The following CROCC variants were observed in gnomAD, a reference collection of about 807,000 sequenced individuals.
The protein encoded by CROCC is rootletin.
CROCC carries 180 observed loss-of-function variants against 245.2 expected under a neutral mutation model. That is an observed-to-expected ratio of 0.73 (90% CI 0.65 to 0.83). CROCC has a LOEUF of 0.83. CROCC is among the 40% of genes least tolerant of loss of function. The pLI, the probability that CROCC is intolerant of heterozygous loss-of-function variation, is 0.00. For synonymous variants in CROCC, 1,205 were observed against 1,241.6 expected (o/e 0.97, Z 0.62); for missense variants, 2,688 against 2,779.4 (o/e 0.97, Z 0.74).
rs774471753 is a variant in CROCC, at chr1:16,924,478, G to A, written c.350G>A (p.Arg117Lys). 22 of 1,611,194 alleles carry A rather than the reference G, an allele frequency of 1.4e-5. No individual in the cohort carries two copies. In the Admixed American group the frequency reaches 2.0e-4, roughly 15 times the overall value. Residue 117 changes from arginine (R) to lysine (K), a missense_variant and splice_region_variant, in exon 3 of 37, where the codon AGG becomes AAG. Arg to Lys is a conservative substitution (Grantham distance 26, BLOSUM62 2). This residue lies in a region of CROCC where 972 missense variants were observed against 895.3 expected (regional missense o/e 1.09). Transcript: ENST00000375541. ...LAIKYNAVSE[R>K]LEQALRLEPG... The stretch of plus-strand genomic sequence containing the variant: ...ATTAAGTACAATGCGGTCAGCGAGA[G>A]GGTGGGTGCCGCCCAGGTGGTGGAC...
chr1:16,919,531 G>A (rs1481476708), upstream of CROCC, among the ~76,000 whole-genome samples: 1 of 152,292 alleles, frequency 6.6e-6, no homozygotes, highest in East Asian at 1.9e-4. Flanking sequence ...CAGTCACCAG[G>A]TTAAAGAAGG....
At chr1:16,952,972 G>A (rs890606578) in intron 20 of CROCC, 11 of 255,726 alleles carry the variant, frequency 4.3e-5, no homozygotes, top group African/African-American at 2.0e-4. Flanking sequence ...ACCATGTCCC[G>A]TTCCCCTCTG....
At position 16,930,257 on chromosome 1, in the gene CROCC, C is replaced by T. The variant is rs780558499; in HGVS notation, c.622-29C>T. On this transcript the variant is annotated intron_variant, in intron 5 of 36. Transcript: ENST00000375541. ...CAGGCCCTGCCCTCCACCTGCCCAA[C>T]CTGATGCTTTAACCTCTCTCCCACC... 1.1e-5 allele frequency: 18 copies of T among 1,592,500 alleles called. No individual in the cohort carries two copies. In the South Asian group the frequency reaches 2.0e-4, roughly 18 times the overall value.
intron 13 of CROCC, chr1:16,940,859 C>T (rs1238761904): frequency 2.5e-6 from 1 of 407,804 alleles, no homozygotes; most frequent in Admixed American, 2.9e-5. Context: ...CCCAACTGCC[C>T]CTAGTTGGGG....
chr1:16,969,112 C>T lies in CROCC; in HGVS notation c.5077-4C>T. On this transcript the variant is annotated splice_region_variant and splice_polypyrimidine_tract_variant and intron_variant, in intron 31 of 36. Transcript: ENST00000375541. ...CCCGATTGTTCTGGCTGTCCTCCTGCCAGGTGGCCGACAGCGAGGTGAAGG... is the reference window on the plus strand; with the variant it reads ...CCCGATTGTTCTGGCTGTCCTCCTGTCAGGTGGCCGACAGCGAGGTGAAGG... The T allele has an allele frequency of 6.3e-7, 1 of 1,593,522 alleles. No homozygotes were observed. The highest frequency in any genetic ancestry group is 8.5e-7 in the Non-Finnish European group (1 of 1,170,860).
At position 16,969,776 on chromosome 1, in the gene CROCC, G is replaced by T; in HGVS notation, c.5302-9G>T. On this transcript the variant is annotated splice_polypyrimidine_tract_variant and intron_variant, in intron 32 of 36. Transcript: ENST00000375541. ...GGCCAGCCAGGCACCATCAGCCCCTGTCCCCCAGGAACGGCTGGATGCCGC... is the reference window on the plus strand; with the variant it reads ...GGCCAGCCAGGCACCATCAGCCCCTTTCCCCCAGGAACGGCTGGATGCCGC... 6.2e-7 allele frequency: 1 copy of T among 1,611,214 alleles called. No individual in the cohort carries two copies.
chr1:16,956,055 A>T lies in CROCC; in HGVS notation c.3763A>T (p.Thr1255Ser). Reference sequence around the variant, plus strand: ...GCTGGCACTCCTAGAGGAGGCACGGACAGCTGTGGGCAAGGAGGCCGGGGA... The same window carrying T: ...GCTGGCACTCCTAGAGGAGGCACGGTCAGCTGTGGGCAAGGAGGCCGGGGA... ...QKLALLEEARTAVGKEAGELR... is the reference protein window; with the variant it reads ...QKLALLEEARSAVGKEAGELR... The change falls in exon 25 of 37, where the codon ACA (threonine) becomes TCA (serine). Residue 1255 changes from threonine (T) to serine (S), a missense_variant. Physicochemically the swap from Thr to Ser is moderately conservative, Grantham distance 58 (BLOSUM62 1). This residue lies in a region of CROCC where 1,218 missense variants were observed against 1,286.3 expected (regional missense o/e 0.95). Transcript: ENST00000375541. 6.4e-7 allele frequency: 1 copy of T among 1,551,170 alleles called. No homozygotes were observed. The highest frequency in any genetic ancestry group is 8.7e-7 in the Non-Finnish European group (1 of 1,147,014).
intron 3 of CROCC, among the ~76,000 whole-genome samples, chr1:16,924,905 G>A (rs1474409661): frequency 6.6e-6 from 1 of 152,250 alleles, no homozygotes. Context: ...GGGCACCCGC[G>A]GTGTTCTGCA....
chr1:16,938,528 C>A, intron 11 of CROCC, 45 bp downstream of exon 11: 2 of 1,495,508 alleles, frequency 1.3e-6, no homozygotes, highest in Admixed American at 2.0e-5. Flanking sequence ...GCCAGGCAGT[C>A]CCAGGCTCCC....
At chr1:16,947,294 C>T (rs1273160300) in intron 17 of CROCC, among the ~76,000 whole-genome samples, 2 of 152,224 alleles carry the variant, frequency 1.3e-5, no homozygotes, top group African/African-American at 2.4e-5. Context: ...CTGGCTAACA[C>T]GGTGAAACCC....
Position 16,946,793 on chromosome 1 carries a change from G to A in CROCC, c.2316G>A (p.Arg772=), listed in dbSNP as rs1000755117. ...LEEEKSALQG[R]QRQAEQEATV... Reference sequence around the variant, plus strand: ...AAGAAAAGTCCGCCCTGCAGGGCCGGCAACGGCAGGCAGAGCAGGAGGCCA... The same window carrying A: ...AAGAAAAGTCCGCCCTGCAGGGCCGACAACGGCAGGCAGAGCAGGAGGCCA... Residue 772 remains arginine (R), a synonymous_variant, in exon 17 of 37, where the codon CGG becomes CGA. Transcript: ENST00000375541. The A allele has an allele frequency of 2.6e-6, 4 of 1,551,902 alleles. No individual in the cohort carries two copies. Among genetic ancestry groups the A allele is most frequent in the East Asian group, 4.9e-5 (2 of 41,036 alleles).
In CROCC at chr1:16,966,119, G is replaced by C. The variant is rs758962654; in HGVS notation, c.4696G>C (p.Ala1566Pro). ...GAAGGCGGTGGCTGAGAGTGAGGAA[G>C]GTGAGTCTGATCCTCGGGGTCCCTG... ...LQKAVAESEE[A>P]RRSVDGRLSG... The change falls in exon 29 of 37, where the codon GCC (alanine) becomes CCC (proline). Residue 1566 changes from alanine to proline, a missense_variant and splice_region_variant. By Grantham distance (27) the Ala-to-Pro change is conservative. Around this residue, in one of 9 missense-constraint regions of CROCC, gnomAD observed 1,218 missense variants for 1,286.3 expected, o/e 0.95. Coordinates refer to ENST00000375541, the MANE Select transcript of CROCC (RefSeq NM_014675.5). This position sits in a 1 kb window ranked among gnomAD's most constrained non-coding sequence, Gnocchi z 4.8. 6.2e-7 allele frequency: 1 copy of C among 1,608,988 alleles called. No individual in the cohort carries two copies. Among genetic ancestry groups the C allele is most frequent in the Non-Finnish European group, 8.5e-7 (1 of 1,176,126 alleles).
At chr1:16,916,429 G>A (rs1174558529) in intron 1 of CROCC, among the ~76,000 whole-genome samples, 2 of 152,284 alleles carry the variant, frequency 1.3e-5, no homozygotes, top group Admixed American at 6.5e-5. Flanking sequence ...TCCAGGCAGT[G>A]GCTTATATAA....
At chr1:16,950,576 T>C (rs2076142004) in intron 19 of CROCC, among the ~76,000 whole-genome samples, 1 of 152,228 alleles carries the variant, frequency 6.6e-6, no homozygotes, top group African/African-American at 2.4e-5. Context: ...CAGGTTGGTC[T>C]TGAACTCCTG....
rs1413991516 is a variant in CROCC, at chr1:16,969,228, G to T, written c.5189G>T (p.Gly1730Val). ...GGGGCCCTGCGGGACAAGGTGCGGGGCCTGACAGAGGCCCTGGCCCAGAGC... is the reference window on the plus strand; with the variant it reads ...GGGGCCCTGCGGGACAAGGTGCGGGTCCTGACAGAGGCCCTGGCCCAGAGC... ...SEGALRDKVR[G>V]LTEALAQSSA... The change falls in exon 32 of 37, where the codon GGC (glycine) becomes GTC (valine). Residue 1730 changes from glycine to valine, a missense_variant. This residue lies in a region of CROCC where 1,218 missense variants were observed against 1,286.3 expected (regional missense o/e 0.95). Transcript: ENST00000375541. 7 of 1,613,330 alleles carry T rather than the reference G, an allele frequency of 4.3e-6. No homozygotes were observed. Among genetic ancestry groups the T allele is most frequent in the Non-Finnish European group, 5.9e-6 (7 of 1,179,764 alleles).
chr1:16,965,426 A>T (rs1047926951), intron 27 of CROCC, among the ~76,000 whole-genome samples: 1 of 152,090 alleles, frequency 6.6e-6, no homozygotes, highest in Non-Finnish European at 1.5e-5. Flanking sequence ...TCTGAGGGAG[A>T]GGGATGGCCC....
In CROCC at chr1:16,960,738, A is replaced by G; in HGVS notation, c.4033-20A>G. The G allele has an allele frequency of 6.7e-7, 1 of 1,489,746 alleles. No individual in the cohort carries two copies. The highest frequency in any genetic ancestry group is 8.9e-7 in the Non-Finnish European group (1 of 1,122,350). The allele number at this position is 1,489,746 out of a possible 1,614,324, so 92.3% of individuals were successfully genotyped here. On this transcript the variant is annotated intron_variant, in intron 26 of 36. Transcript: ENST00000375541. ...GTTGGGAGAGGTCTTGCCGACCTCC[A>G]CCTCCTGGCATCACTCCAGCTCCAG... is the stretch of plus-strand genomic sequence containing the variant.
In CROCC at chr1:16,922,018, C is replaced by T. The variant is rs770865682; in HGVS notation, c.-1C>T. 2 of 1,551,286 alleles carry T rather than the reference C, an allele frequency of 1.3e-6. No individual in the cohort carries two copies. Among genetic ancestry groups the T allele is most frequent in the Non-Finnish European group, 8.7e-7 (1 of 1,146,948 alleles). ...GGAGGCATGCCCACAGCCTCCCCCC[C>T]ATGAGCTTGGGGCTGGCGGGGGCAC... On this transcript the variant is annotated 5_prime_UTR_variant, in exon 1 of 37. Coordinates refer to ENST00000375541, the MANE Select transcript of CROCC (RefSeq NM_014675.5).
rs771887811 is a variant in CROCC, at chr1:16,944,264, G to T, written c.1973G>T (p.Arg658Leu). 26 of 1,543,122 alleles carry T rather than the reference G, an allele frequency of 1.7e-5. No individual in the cohort carries two copies. The East Asian group carries it at 2.2e-4, about 13-fold the overall frequency. The change falls in exon 14 of 37, where the codon CGC becomes CTC. Residue 658 changes from arginine to leucine, a missense_variant. Physicochemically the swap from Arg to Leu is moderately radical, Grantham distance 102. Around this residue, in one of 9 missense-constraint regions of CROCC, gnomAD observed 972 missense variants for 895.3 expected, o/e 1.09. Transcript: ENST00000375541. ...GCAGTGCAGGATGGCGCGCGGGTGC[G>T]CCGGGAGCTTGAGCGCAGGTGAGCA... The part of the protein sequence containing the change: ...EDAVQDGARV[R>L]RELERSHRQL...
Sources: gnomAD v4.1 joint callset for allele counts (sites outside exome capture counted in the v4.1 genomes callset) on GRCh38, gnomAD v4.1.1 for gene constraint, gnomAD v4.1.1 regional missense constraint, Gnocchi (gnomAD v3.1) non-coding constraint, MANE v1.5 for transcripts, NCBI Gene and HGNC (gene_info 2026-07-23, HGNC 2026-07-21) for gene names.